SCIN: variants seen among roughly 807,000 people sequenced by gnomAD.
SCIN encodes the protein adseverin.
In SCIN, 91 loss-of-function variants were observed where a neutral mutation model predicts 91.8. The ratio of observed to expected loss-of-function variants is 0.99; its 90% CI spans 0.84 to 1.18. SCIN has a LOEUF of 1.18. SCIN is among the 50% of genes most tolerant of loss of function. The probability of loss-of-function intolerance (pLI) is 0.00; values close to 1 mark genes in which losing one functional copy is unlikely to be tolerated. For synonymous variants in SCIN, 367 were observed against 312.6 expected (o/e 1.17, Z -1.84); for missense variants, 1,087 against 863.9 (o/e 1.26, Z -3.24).
intron 11 of SCIN, among the ~76,000 whole-genome samples, chr7:12,640,976 G>T (rs1783846341): frequency 6.6e-6 from 1 of 152,122 alleles, no homozygotes; most frequent in African/African-American, 2.4e-5. Context: ...AGCTGTTTCT[G>T]ACAGCAGCTG....
At chr7:12,605,436 G>A (rs189158756) in intron 4 of SCIN, among the ~76,000 whole-genome samples, 2 of 152,188 alleles carry the variant, frequency 1.3e-5, no homozygotes, top group East Asian at 1.9e-4. Flanking sequence ...AAAGTGCATG[G>A]GACCAGAAGT....
intron 9 of SCIN, among the ~76,000 whole-genome samples, chr7:12,633,967 T>G: frequency 1.1e-5 from 1 of 94,520 alleles, no homozygotes; most frequent in East Asian, 4.2e-4. Flanking sequence ...GTGTGCATGT[T>G]TTTTTTTTTT....
chr7:12,632,770 G>A (rs375833568), intron 9 of SCIN, among the ~76,000 whole-genome samples: 73 of 152,276 alleles, frequency 4.8e-4, no homozygotes, highest in African/African-American at 1.7e-3. Context: ...AATGCAAAAG[G>A]AAAAAGAGAA....
chr7:12,571,960 ACT>A (rs1447315052), intron 1 of SCIN, among the ~76,000 whole-genome samples: 3 of 152,120 alleles, frequency 2.0e-5, no homozygotes, highest in Non-Finnish European at 2.9e-5. Context: ...TTCTTTTAAA[ACT>A]AGCTAGCCTG....
At chr7:12,644,086 G>T in intron 11 of SCIN, 52 bp from the exon 12 acceptor site, 1 of 1,494,884 alleles carries the variant, frequency 6.7e-7, no homozygotes, top group Non-Finnish European at 9.1e-7. Context: ...CATGTTTATT[G>T]AGGGAGCAGC....
intron 5 of SCIN, 124 bp downstream of exon 5, chr7:12,623,017 T>G (rs1783441908): frequency 3.5e-6 from 2 of 565,422 alleles, no homozygotes. Flanking sequence ...AAGAGCAATG[T>G]GTAGATAGAA....
chr7:12,574,681 A>G (rs957548714), intron 1 of SCIN, among the ~76,000 whole-genome samples: 2 of 152,122 alleles, frequency 1.3e-5, no homozygotes, highest in African/African-American at 2.4e-5. Context: ...ACTGGGGGAA[A>G]TTGGGTCTAT....
Position 12,651,967 on chromosome 7 carries a change from C to T in SCIN, c.2020+66C>T. On this transcript the variant is annotated intron_variant, in intron 15 of 15. Coordinates refer to ENST00000297029, the MANE Select transcript of SCIN (RefSeq NM_001112706.3). This position sits in a 1 kb window ranked among gnomAD's most constrained non-coding sequence, Gnocchi z 5.9. The stretch of plus-strand genomic sequence containing the variant: ...CCATTATGACCGAGTGTCTGGCTTG[C>T]TCTTTGCCACCATGTCTTACAAAAA... 9.6e-7 allele frequency: 1 copy of T among 1,045,910 alleles called. No individual in the cohort carries two copies. The highest frequency in any genetic ancestry group is 1.4e-6 in the Non-Finnish European group (1 of 699,420). 64.8% of individuals were successfully genotyped at this position (1,045,910 alleles called of 1,614,324 possible). A position where few individuals can be genotyped will look rare whatever the true frequency, so the allele number is the denominator to read the frequency against.
intron 1 of SCIN, among the ~76,000 whole-genome samples, chr7:12,573,091 A>G (rs1782301391): frequency 6.6e-6 from 1 of 152,174 alleles, no homozygotes; most frequent in African/African-American, 2.4e-5. Flanking sequence ...AAAATAGTCA[A>G]CAGGACTTTC....
chr7:12,634,369 C>T (rs920833521), intron 9 of SCIN, among the ~76,000 whole-genome samples: 1 of 151,934 alleles, frequency 6.6e-6, no homozygotes. Context: ...CCTGTAGTCC[C>T]AGCTACTCGG....
At chr7:12,614,733 C>T (rs1783264904) in intron 4 of SCIN, among the ~76,000 whole-genome samples, 1 of 152,162 alleles carries the variant, frequency 6.6e-6, no homozygotes, top group African/African-American at 2.4e-5. Context: ...CTTAATGTCC[C>T]AGAACCTGCC....
Position 12,626,737 on chromosome 7 carries a change from C to T in SCIN, c.1135C>T (p.His379Tyr), listed in dbSNP as rs753205349. The stretch of plus-strand genomic sequence containing the variant: ...AATTCCCTTTGATGCCTCAAAATTA[C>T]ACAGTTCTCCGCAGATGGCAGCCCA... ...KQIPFDASKL[H>Y]SSPQMAAQHN... The change falls in exon 8 of 16, where the codon CAC becomes TAC. Residue 379 changes from histidine to tyrosine, a missense_variant. His to Tyr is a moderately conservative substitution (Grantham distance 83). Coordinates refer to ENST00000297029, the MANE Select transcript of SCIN (RefSeq NM_001112706.3). 40 of 1,609,714 alleles carry T rather than the reference C, an allele frequency of 2.5e-5. No homozygotes were observed. Among genetic ancestry groups the T allele is most frequent in the Non-Finnish European group, 3.3e-5 (39 of 1,178,070 alleles).
At chr7:12,620,150 A>G (rs1021100967) in intron 4 of SCIN, among the ~76,000 whole-genome samples, 2 of 152,040 alleles carry the variant, frequency 1.3e-5, no homozygotes, top group African/African-American at 4.8e-5. Context: ...AAGTTGTGAA[A>G]TGATTACCAC....
chr7:12,596,540 A>T (rs1468190536), intron 3 of SCIN: 3 of 441,334 alleles, frequency 6.8e-6, no homozygotes, highest in African/African-American at 4.0e-5. Context: ...TGGTTGGGGG[A>T]GGGCCCTCTC....
intron 13 of SCIN, 117 bp from the exon 14 acceptor site, chr7:12,649,350 A>G: frequency 3.7e-6 from 2 of 545,862 alleles, no homozygotes; most frequent in Admixed American, 3.8e-5. Context: ...AGAAGAAAAA[A>G]ATTACCACCA....
At chr7:12,640,036 C>T (rs149493619) in intron 10 of SCIN, among the ~76,000 whole-genome samples, 43 of 152,264 alleles carry the variant, frequency 2.8e-4, no homozygotes, top group African/African-American at 9.4e-4. Flanking sequence ...TTTTCTCTTT[C>T]GGAGATGTAG....
chr7:12,580,498 A>G (rs1455855253), intron 2 of SCIN, among the ~76,000 whole-genome samples: 1 of 152,212 alleles, frequency 6.6e-6, no homozygotes, highest in Non-Finnish European at 1.5e-5. Flanking sequence ...CCTGTTTACC[A>G]GAAAATAAAG....
At chr7:12,578,473 AAG>A (rs1474436366) in intron 2 of SCIN, among the ~76,000 whole-genome samples, 1 of 152,178 alleles carries the variant, frequency 6.6e-6, no homozygotes, top group Admixed American at 6.5e-5. Context: ...AATTTTTTAA[AAG>A]AGCTTTCAGT....
chr7:12,652,768 G>A lies in SCIN; in HGVS notation c.*53G>A. The A allele has an allele frequency of 1.3e-6, 2 of 1,564,852 alleles. No individual in the cohort carries two copies. The highest frequency in any genetic ancestry group is 1.2e-5 in the South Asian group (1 of 84,026). ...ATTACAAGGCAGTTATCTCATTGCT[G>A]TTTTGGGAGAGGAACGGGAAAAGCT... On this transcript the variant is annotated 3_prime_UTR_variant, in exon 16 of 16. Transcript: ENST00000297029.
Sources: allele counts gnomAD v4.1 joint callset (sites outside exome capture counted in the v4.1 genomes callset), GRCh38; gene constraint gnomAD v4.1.1; non-coding constraint Gnocchi (gnomAD v3.1); transcripts MANE v1.5; gene names NCBI Gene and HGNC (gene_info 2026-07-23, HGNC 2026-07-21).